Variants in ARMC3 observed in about 807,000 individuals in gnomAD.
ARMC3 encodes armadillo repeat containing 3, also known as armadillo repeat-containing protein 3.
A neutral mutation model predicts 90.3 loss-of-function variants in ARMC3; 74 were observed. The ratio of observed to expected loss-of-function variants is 0.82; its 90% confidence interval spans 0.68 to 0.99. ARMC3 has a LOEUF of 0.99. Among genes scored for constraint, ARMC3 ranks in the 50% least tolerant of loss-of-function variants. The pLI is 0.00. For missense variants in ARMC3, 958 were observed against 1,042.8 expected (o/e 0.92, Z 1.12); for synonymous variants, 334 against 361.8 (o/e 0.92, Z 0.87).
intron 16 of ARMC3, among the ~76,000 whole-genome samples, chr10:23,012,040 C>T (rs1375607237): frequency 1.3e-5 from 2 of 152,190 alleles, no homozygotes; most frequent in African/African-American, 4.8e-5. Flanking sequence ...TGGTCCTCAC[C>T]CAGACGAATG....
intron 8 of ARMC3, among the ~76,000 whole-genome samples, chr10:22,977,147 A>G (rs1186387452): frequency 6.6e-6 from 1 of 152,192 alleles, no homozygotes; most frequent in Non-Finnish European, 1.5e-5. Flanking sequence ...ATTGGTATCC[A>G]TGTTCTTCAA....
intron 16 of ARMC3, among the ~76,000 whole-genome samples, chr10:23,016,857 C>A (rs1358944641): frequency 6.6e-6 from 1 of 152,178 alleles, no homozygotes; most frequent in Non-Finnish European, 1.5e-5. Context: ...AGACACACTC[C>A]TGCCTCTGTT....
intron 16 of ARMC3, among the ~76,000 whole-genome samples, chr10:23,020,374 A>T (rs1838463155): frequency 6.6e-6 from 1 of 152,202 alleles, no homozygotes; most frequent in African/African-American, 2.4e-5. Context: ...ACCTCAAGTG[A>T]TCCACTCGCC....
chr10:23,031,078 A>C lies in ARMC3; in HGVS notation c.2246+282A>C, dbSNP rs562674051. 3.5e-4 allele frequency: 106 copies of C among 304,618 alleles called. 1 individual carries two copies. Among genetic ancestry groups the C allele is most frequent in the African/African-American group, 1.9e-3 (90 of 47,090 alleles). 18.9% of individuals were successfully genotyped at this position (304,618 alleles called of 1,614,324 possible). On this transcript the variant is annotated intron_variant, in intron 17 of 18. Coordinates refer to ENST00000298032, the MANE Select transcript of ARMC3 (RefSeq NM_173081.5). The stretch of plus-strand genomic sequence containing the variant: ...GCATCTTTCAATGTGATCCTGCAGA[A>C]GTTATGAATGAATCAAAAGTTTGAA...
intron 2 of ARMC3, among the ~76,000 whole-genome samples, chr10:22,940,944 A>G (rs1401151317): frequency 6.6e-6 from 1 of 152,204 alleles, no homozygotes; most frequent in Non-Finnish European, 1.5e-5. Context: ...ACTTGAAACA[A>G]CCCAGAGGTC....
intron 16 of ARMC3, among the ~76,000 whole-genome samples, chr10:23,025,096 GA>G (rs1026359372): frequency 2.6e-5 from 4 of 151,876 alleles, no homozygotes; most frequent in African/African-American, 9.7e-5. Context: ...CAAAATAAAT[GA>G]AGCAAAAAAA....
chr10:22,973,453 A>G (rs1223149043), intron 8 of ARMC3, among the ~76,000 whole-genome samples: 1 of 151,144 alleles, frequency 6.6e-6, no homozygotes, highest in East Asian at 1.9e-4. Context: ...AATCTTGGAA[A>G]GGCATACTCT....
At chr10:22,958,474 C>G (rs183624016) in intron 4 of ARMC3, among the ~76,000 whole-genome samples, 1 of 152,224 alleles carries the variant, frequency 6.6e-6, no homozygotes, top group African/African-American at 2.4e-5. Context: ...GGCACAGTGA[C>G]TCAACTCTTC....
intron 8 of ARMC3, among the ~76,000 whole-genome samples, chr10:22,974,298 G>C (rs11593763): frequency 0.062 from 9,373 of 152,226 alleles, 408 homozygotes; most frequent in Middle Eastern, 0.12. Flanking sequence ...ATAAGCAAGA[G>C]ATGATGAGGT....
chr10:23,007,125 A>C (rs1374792895), intron 14 of ARMC3, 144 bp downstream of exon 14: 6 of 643,562 alleles, frequency 9.3e-6, no homozygotes, highest in Non-Finnish European at 1.6e-5. Context: ...ACTGGCTCAT[A>C]AACTCATAGC....
At chr10:22,946,314 T>G (rs1834525025) in intron 3 of ARMC3, 53 bp downstream of exon 3, 1 of 1,260,888 alleles carries the variant, frequency 7.9e-7, no homozygotes, top group Non-Finnish European at 1.1e-6. Context: ...TTAAAATATT[T>G]ACTACCTCTT....
At chr10:22,962,979 A>T (rs979856953) in intron 7 of ARMC3, among the ~76,000 whole-genome samples, 4 of 152,196 alleles carry the variant, frequency 2.6e-5, no homozygotes, top group Non-Finnish European at 4.4e-5. Flanking sequence ...ACTATATAGT[A>T]CACATTTTAT....
rs533380637 is a variant in ARMC3, at chr10:22,932,774, A to G, written c.48+730A>G. 2.2e-4 allele frequency among the ~76,000 whole-genome samples: 34 copies of G among 152,346 alleles called. No homozygotes were observed. The South Asian group carries it at 3.5e-3, about 16-fold the overall frequency. Reference sequence around the variant, plus strand: ...CACAGCAATTTCAAATTTGAAGGAAACTGGGCTAATGGCAGAAATCTGCCC... The same window carrying G: ...CACAGCAATTTCAAATTTGAAGGAAGCTGGGCTAATGGCAGAAATCTGCCC... On this transcript the variant is annotated intron_variant, in intron 2 of 18. Coordinates refer to ENST00000298032, the MANE Select transcript of ARMC3 (RefSeq NM_173081.5).
At position 23,035,128 on chromosome 10, in the gene ARMC3, C is replaced by T. The variant is rs1000721933; in HGVS notation, c.2409+2105C>T. Among the ~76,000 whole-genome samples the T allele has an allele frequency of 3.3e-5, 5 of 152,190 alleles. No individual in the cohort carries two copies. In the South Asian group the frequency reaches 6.2e-4, roughly 19 times the overall value. ...TACTGAGGGCTCCCTTCCTGGTTTG[C>T]AGACAGCCACCTTCTTGCTGTATCC... On this transcript the variant is annotated intron_variant, in intron 18 of 18. Coordinates refer to ENST00000298032, the MANE Select transcript of ARMC3 (RefSeq NM_173081.5).
intron 2 of ARMC3, among the ~76,000 whole-genome samples, chr10:22,937,886 A>G (rs575266437): frequency 1.3e-5 from 2 of 152,356 alleles, no homozygotes; most frequent in Admixed American, 1.3e-4. Context: ...CTTTGCCTAA[A>G]GAAATGTATT....
chr10:22,945,454 C>T (rs1159585330), intron 2 of ARMC3, among the ~76,000 whole-genome samples: 3 of 152,236 alleles, frequency 2.0e-5, no homozygotes, highest in Non-Finnish European at 4.4e-5. Context: ...TTCAATAACA[C>T]ATGAATTCTC....
intron 4 of ARMC3, among the ~76,000 whole-genome samples, chr10:22,957,179 T>G (rs1834976683): frequency 6.6e-6 from 1 of 152,208 alleles, no homozygotes; most frequent in Non-Finnish European, 1.5e-5. Flanking sequence ...CTAGTCTTCC[T>G]GCCCATCCAC....
chr10:23,029,283 A>G (rs926493612), intron 16 of ARMC3, among the ~76,000 whole-genome samples: 3 of 152,204 alleles, frequency 2.0e-5, no homozygotes, highest in Admixed American at 1.3e-4. Flanking sequence ...ATGGAATTCA[A>G]TAGAAGGATA....
intron 16 of ARMC3, among the ~76,000 whole-genome samples, chr10:23,023,950 T>C (rs1838611582): frequency 6.6e-6 from 1 of 152,132 alleles, no homozygotes; most frequent in African/African-American, 2.4e-5. Context: ...CAGGTAATGA[T>C]TGAAAACTCC....
Sources: allele counts gnomAD v4.1 joint callset (sites outside exome capture counted in the v4.1 genomes callset), GRCh38; gene constraint gnomAD v4.1.1; transcripts MANE v1.5; gene names NCBI Gene and HGNC (gene_info 2026-07-23, HGNC 2026-07-21).